Variants in LMLN observed in about 807,000 individuals in gnomAD.
The protein encoded by LMLN is leishmanolysin-like peptidase.
In LMLN, 70 loss-of-function variants were observed where a neutral mutation model predicts 92.3. The ratio of observed to expected loss-of-function variants is 0.76; its 90% CI spans 0.63 to 0.92. The LOEUF is 0.92. LMLN is among the 40% of genes least tolerant of loss of function. The pLI is 0.00. For synonymous variants in LMLN, 308 were observed against 296.2 expected, an observed-to-expected ratio of 1.04 and a Z score of -0.41; for missense variants, 691 against 814.6, an observed-to-expected ratio of 0.85 and a Z score of 1.85.
intron 1 of LMLN, among the ~76,000 whole-genome samples, chr3:197,961,149 C>A (rs1216787720): frequency 6.6e-6 from 1 of 152,182 alleles, no homozygotes; most frequent in Admixed American, 6.5e-5. Flanking sequence ...TGTACTCCCT[C>A]CTGGCATTTA....
At chr3:197,993,889 A>G (rs1225756053) in intron 9 of LMLN, among the ~76,000 whole-genome samples, 1 of 152,210 alleles carries the variant, frequency 6.6e-6, no homozygotes, top group Non-Finnish European at 1.5e-5. Flanking sequence ...TTAAAATGTC[A>G]TGGTCCTGGC....
chr3:197,999,072 A>G (rs925233466), intron 10 of LMLN, among the ~76,000 whole-genome samples, 194 bp from the exon 11 acceptor site: 10 of 152,238 alleles, frequency 6.6e-5, no homozygotes, highest in African/African-American at 2.2e-4. Flanking sequence ...GGAAGCACTT[A>G]GGGCAGAAAA....
Position 197,996,297 on chromosome 3 carries a change from A to C in LMLN, c.1155+15A>C. ...GGTTATTAGAGGTCAGTTTGTTTTT[A>C]AATTTTCCTAGACTTTATTTAATGA... On this transcript the variant is annotated intron_variant, in intron 10 of 15. Transcript: ENST00000330198. 1 of 1,411,514 alleles carries C rather than the reference A, an allele frequency of 7.1e-7. No individual in the cohort carries two copies. Among genetic ancestry groups the C allele is most frequent in the South Asian group, 1.2e-5 (1 of 80,318 alleles). The allele number at this position is 1,411,514 out of a possible 1,614,324, so 87.4% of individuals were successfully genotyped here. A position where few individuals can be genotyped will look rare whatever the true frequency, so the allele number is the denominator to read the frequency against.
intron 2 of LMLN, 41 bp downstream of exon 2, chr3:197,974,515 C>A: frequency 9.5e-7 from 1 of 1,053,034 alleles, no homozygotes; most frequent in South Asian, 1.6e-5. Flanking sequence ...CATTATTAAT[C>A]TAAATGTTAA....
chr3:197,966,030 T>C (rs1721048963), intron 1 of LMLN, among the ~76,000 whole-genome samples: 2 of 152,168 alleles, frequency 1.3e-5, no homozygotes, highest in South Asian at 4.1e-4. Context: ...TTACAACATA[T>C]ATCTTTTGTT....
chr3:197,961,795 A>G (rs1352663366), intron 1 of LMLN, among the ~76,000 whole-genome samples: 1 of 152,144 alleles, frequency 6.6e-6, no homozygotes, highest in African/African-American at 2.4e-5. Context: ...GAGCTACAAA[A>G]CAGTTTTACT....
At chr3:198,013,886 T>A (rs185985188) in intron 11 of LMLN, among the ~76,000 whole-genome samples, 1 of 142,656 alleles carries the variant, frequency 7.0e-6, no homozygotes, top group Admixed American at 6.8e-5. Context: ...CAGAGCCCCC[T>A]AACTAGTCTG....
rs1048953030 is a variant in LMLN at position 198,019,900 on chromosome 3, G to A, written c.1365+515G>A. 1.3e-5 allele frequency among the ~76,000 whole-genome samples: 2 copies of A among 151,752 alleles called. No individual in the cohort carries two copies. Among genetic ancestry groups the A allele is most frequent in the African/African-American group, 4.8e-5 (2 of 41,270 alleles). ...TTCCGAGACCGAGTCTCACTCTGTC[G>A]CCCAGGCTGGAGTGCAGTGGTGAGA... On this transcript the variant is annotated intron_variant, in intron 12 of 15. Transcript: ENST00000330198. The surrounding 1 kb of genome is among the most constrained non-coding windows in gnomAD (Gnocchi z 5.5).
intron 11 of LMLN, among the ~76,000 whole-genome samples, chr3:198,012,078 T>A (rs964076835): frequency 6.6e-6 from 1 of 152,204 alleles, no homozygotes; most frequent in Non-Finnish European, 1.5e-5. Context: ...TTTTTTAAAT[T>A]TTTTTGAGAC....
chr3:197,995,518 A>T (rs955945057), intron 9 of LMLN, among the ~76,000 whole-genome samples: 1 of 152,206 alleles, frequency 6.6e-6, no homozygotes, highest in African/African-American at 2.4e-5. Flanking sequence ...CACATTTCAC[A>T]TGTGACATCT....
At chr3:198,041,157 G>A (rs186491663) in exon 16 of LMLN, 9 of 152,322 alleles carry the variant, frequency 5.9e-5, no homozygotes, top group Admixed American at 2.0e-4. Context: ...GAGGAAAGTC[G>A]CTTTTTTTTC....
intron 1 of LMLN, among the ~76,000 whole-genome samples, chr3:197,965,679 C>A (rs923240022): frequency 2.0e-5 from 3 of 152,132 alleles, no homozygotes; most frequent in African/African-American, 7.2e-5. Flanking sequence ...CTTTTGGAGG[C>A]CGGGATGGCA....
chr3:197,975,010 T>G lies in LMLN; in HGVS notation c.318-32T>G, dbSNP rs891831231. Reference sequence around the variant, plus strand: ...TTACATGTGCTATGCCTCTGAGAGATAATCCTTATGTTTTTATGTCATTAT... The same window carrying G: ...TTACATGTGCTATGCCTCTGAGAGAGAATCCTTATGTTTTTATGTCATTAT... On this transcript the variant is annotated intron_variant, in intron 2 of 15. Coordinates refer to ENST00000330198, the Ensembl canonical transcript of LMLN. The G allele has an allele frequency of 4.3e-6, 6 of 1,410,922 alleles. No homozygotes were observed. The Admixed American group carries it at 5.2e-5, about 12-fold the overall frequency. 87.4% of individuals were successfully genotyped at this position (1,410,922 alleles called of 1,614,324 possible).
intron 14 of LMLN, among the ~76,000 whole-genome samples, chr3:198,026,156 ATGC>A (rs1722926352): frequency 6.6e-6 from 1 of 152,022 alleles, no homozygotes; most frequent in Admixed American, 6.6e-5. Flanking sequence ...GGCTTTTGCC[ATGC>A]TACTCAGGCT....
chr3:197,980,261 G>T, intron 5 of LMLN, 65 bp from the exon 6 acceptor site: 4 of 1,374,910 alleles, frequency 2.9e-6, no homozygotes, highest in Non-Finnish European at 3.0e-6. Flanking sequence ...TTTACTATAA[G>T]ATTAAATGCC....
chr3:197,990,620 C>A, exon 9 of LMLN: 1 of 1,604,808 alleles, frequency 6.2e-7, no homozygotes, highest in South Asian at 1.1e-5. Flanking sequence ...ATGGGATGTT[C>A]GAGATAATAA....
chr3:198,009,686 T>G (rs1355353866), intron 11 of LMLN, among the ~76,000 whole-genome samples: 1 of 152,228 alleles, frequency 6.6e-6, no homozygotes, highest in Non-Finnish European at 1.5e-5. Context: ...ATCATCTGTT[T>G]CATAGTGCAT....
chr3:197,991,132 A>G (rs1721855738), intron 9 of LMLN, among the ~76,000 whole-genome samples: 1 of 144,276 alleles, frequency 6.9e-6, no homozygotes. Context: ...TTTTTGATAC[A>G]GGGTCTCACT....
chr3:198,026,444 C>T (rs866475180), intron 14 of LMLN, among the ~76,000 whole-genome samples: 1 of 152,058 alleles, frequency 6.6e-6, no homozygotes, highest in Non-Finnish European at 1.5e-5. Flanking sequence ...CAGCCTCCTG[C>T]ACAGCTGGAA....
Sources: gnomAD v4.1 joint callset for allele counts (sites outside exome capture counted in the v4.1 genomes callset) on GRCh38, gnomAD v4.1.1 for gene constraint, Gnocchi (gnomAD v3.1) non-coding constraint, MANE v1.5 for transcripts, NCBI Gene and HGNC (gene_info 2026-07-23, HGNC 2026-07-21) for gene names.